Variants in ENAM observed in about 807,000 individuals in gnomAD.
ENAM encodes amelogenesis imperfecta 2, hypocalcification (autosomal dominant).
In ENAM, 21 loss-of-function variants were observed where a neutral mutation model predicts 33.6. That is an observed-to-expected ratio of 0.63 (90% CI 0.44 to 0.90). The LOEUF is 0.90. Among genes scored for constraint, ENAM ranks in the 40% least tolerant of loss-of-function variants. The pLI is 0.00. For synonymous variants in ENAM, 473 were observed against 468.4 expected (o/e 1.01, Z -0.13); for missense variants, 1,388 against 1,366.9 (o/e 1.02, Z -0.24).
At position 70,645,381 on chromosome 4, in the gene ENAM, T is replaced by C. The variant is rs1738735007; in HGVS notation, c.*526T>C. 6.3e-6 allele frequency: 1 copy of C among 158,564 alleles called. No homozygotes were observed. Among genetic ancestry groups the C allele is most frequent in the Admixed American group, 6.2e-5 (1 of 16,182 alleles). 9.8% of individuals were successfully genotyped at this position (158,564 alleles called of 1,614,324 possible). On this transcript the variant is annotated 3_prime_UTR_variant, in exon 9 of 9. Coordinates refer to ENST00000396073, the MANE Select transcript of ENAM (RefSeq NM_031889.3). ...CTCTCTTTACCTTTATCATTTCTTT[T>C]TCTTAGCTTTCTTCCTTCTTTTCTC...
At chr4:70,631,785 A>G in intron 3 of ENAM, 47 bp downstream of exon 3, 1 of 1,609,618 alleles carries the variant, frequency 6.2e-7, no homozygotes, top group Non-Finnish European at 8.5e-7. Flanking sequence ...TTCCGTTAGG[A>G]ACAATTGTTG....
intron 8 of ENAM, among the ~76,000 whole-genome samples, chr4:70,638,778 T>TTTTC (rs1035336708): frequency 1.8e-4 from 27 of 151,482 alleles, no homozygotes; most frequent in Admixed American, 1.3e-3. Context: ...CTTATCTTTC[T>TTTTC]TTTCTTTCTT....
intron 7 of ENAM, among the ~76,000 whole-genome samples, chr4:70,636,931 G>A (rs897047727): frequency 1.3e-5 from 2 of 152,134 alleles, no homozygotes; most frequent in Admixed American, 6.5e-5. Flanking sequence ...AATGTTAAAG[G>A]CCAGTTGCTG....
Position 70,643,874 on chromosome 4 carries a change from G to T in ENAM, c.2448G>T (p.Gly816=). The change falls in exon 9 of 9, where the codon GGG becomes GGT. Residue 816 remains glycine (G), a synonymous_variant. Transcript: ENST00000396073. ...CCTATTACAGTAACACCCCAGCTGG[G>T]CTTCAGAAAAATCCAATATGGCATG... ...NQPYYSNTPA[G]LQKNPIWHEG... 6.2e-7 allele frequency: 1 copy of T among 1,614,172 alleles called. No homozygotes were observed.
rs1738350680 is a variant in ENAM, at chr4:70,632,524, A to G, written c.169-127A>G. 5 of 783,756 alleles carry G rather than the reference A, an allele frequency of 6.4e-6. No homozygotes were observed. In the South Asian group the frequency reaches 6.9e-5, roughly 11 times the overall value. The allele number at this position is 783,756 out of a possible 1,614,324, so 48.6% of individuals were successfully genotyped here. On this transcript the variant is annotated intron_variant, in intron 4 of 8. Transcript: ENST00000396073. The stretch of plus-strand genomic sequence containing the variant: ...GGTGATATGACTGTTGTGCATTAAA[A>G]TCAGAAATTTTTACACTGGGAAGTT...
intron 5 of ENAM, among the ~76,000 whole-genome samples, chr4:70,633,610 T>C (rs1434693888): frequency 6.6e-6 from 1 of 152,202 alleles, no homozygotes; most frequent in Non-Finnish European, 1.5e-5. Context: ...GGAGGAAATA[T>C]TTGAATGAGA....
At position 70,644,256 on chromosome 4, in the gene ENAM, C is replaced by G. The variant is rs1022432813; in HGVS notation, c.2830C>G (p.Pro944Ala). The G allele has an allele frequency of 1.9e-6, 3 of 1,614,154 alleles. No homozygotes were observed. Among genetic ancestry groups the G allele is most frequent in the African/African-American group, 2.7e-5 (2 of 75,038 alleles). ...NSSEKRESQN[P>A]FRDDVSTLRR... is the part of the protein sequence containing the mutation. ...CTCAGAGAAGAGGGAAAGCCAAAAC[C>G]CTTTTAGAGATGATGTGTCCACGCT... The change falls in exon 9 of 9, where the codon CCT becomes GCT. Residue 944 changes from proline to alanine, a missense_variant. By Grantham distance (27) the Pro-to-Ala change is conservative. Transcript: ENST00000396073.
chr4:70,642,037 G>T lies in ENAM; in HGVS notation c.611G>T (p.Gly204Val). The change falls in exon 9 of 9, where the codon GGA (glycine) becomes GTA (valine). Residue 204 changes from glycine to valine, a missense_variant. Transcript: ENST00000396073. Reference sequence around the variant, plus strand: ...CAGAATCCTTACTTTGGATATTTTGGATATCATGGCTTTGGGGGTCGCCCT... The same window carrying T: ...CAGAATCCTTACTTTGGATATTTTGTATATCATGGCTTTGGGGGTCGCCCT... ...EGGNPYFGYF[G>V]YHGFGGRPPY... 1 of 1,613,434 alleles carries T rather than the reference G, an allele frequency of 6.2e-7. No individual in the cohort carries two copies. The highest frequency in any genetic ancestry group is 8.5e-7 in the Non-Finnish European group (1 of 1,179,422).
Position 70,644,925 on chromosome 4 carries a change from T to C in ENAM, c.*70T>C. The C allele has an allele frequency of 7.3e-7, 1 of 1,377,290 alleles. No individual in the cohort carries two copies. The highest frequency in any genetic ancestry group is 1.2e-5 in the South Asian group (1 of 84,412). The allele number at this position is 1,377,290 out of a possible 1,614,324, so 85.3% of individuals were successfully genotyped here. On this transcript the variant is annotated 3_prime_UTR_variant, in exon 9 of 9. Coordinates refer to ENST00000396073, the MANE Select transcript of ENAM (RefSeq NM_031889.3). Reference sequence around the variant, plus strand: ...ATTCTATACCAATGGTTCCCAAAATTTTTTCCCCAAGACTTAATTAAGTGT... The same window carrying C: ...ATTCTATACCAATGGTTCCCAAAATCTTTTCCCCAAGACTTAATTAAGTGT...
At chr4:70,638,812 A>T in intron 8 of ENAM, among the ~76,000 whole-genome samples, 1 of 146,862 alleles carries the variant, frequency 6.8e-6, no homozygotes. Context: ...TTTTTTTGTA[A>T]GACAGAGTCT....
intron 2 of ENAM, among the ~76,000 whole-genome samples, chr4:70,629,954 T>G (rs769549764): frequency 6.6e-6 from 1 of 152,088 alleles, no homozygotes; most frequent in Non-Finnish European, 1.5e-5. Context: ...AAATTAACCA[T>G]CCAAAAGCAC....
rs1423376590 is a variant in ENAM at position 70,642,284 on chromosome 4, A to G, written c.858A>G (p.Gln286=). Residue 286 remains glutamine, a synonymous_variant, in exon 9 of 9, where the codon CAA becomes CAG. Coordinates refer to ENST00000396073, the MANE Select transcript of ENAM (RefSeq NM_031889.3). ...GLNTGNNPPA[Q]NGIGPLPAVN... ...ACACTGGGAACAACCCTCCAGCTCA[A>G]AATGGGATTGGCCCACTCCCTGCAG... 1.9e-6 allele frequency: 3 copies of G among 1,614,088 alleles called. No homozygotes were observed. Among genetic ancestry groups the G allele is most frequent in the South Asian group, 2.2e-5 (2 of 91,082 alleles).
chr4:70,644,306 A>T lies in ENAM; in HGVS notation c.2880A>T (p.Ile960=). The T allele has an allele frequency of 6.2e-7, 1 of 1,614,238 alleles. No individual in the cohort carries two copies. Among genetic ancestry groups the T allele is most frequent in the Non-Finnish European group, 8.5e-7 (1 of 1,180,028 alleles). Residue 960 remains isoleucine, a synonymous_variant, in exon 9 of 9, where the codon ATA becomes ATT. Coordinates refer to ENST00000396073, the MANE Select transcript of ENAM (RefSeq NM_031889.3). ...TGAGGAGGAACACACCATGTTCTAT[A>T]AAGAATCAACTGGGCCAAAAGGAAA... ...STLRRNTPCS[I]KNQLGQKEIM...
At chr4:70,630,336 T>C (rs1028474428) in intron 2 of ENAM, among the ~76,000 whole-genome samples, 1 of 152,174 alleles carries the variant, frequency 6.6e-6, no homozygotes, top group Admixed American at 6.5e-5. Flanking sequence ...AGATTTTATG[T>C]CCAGAAAAGG....
chr4:70,637,955 A>C, intron 8 of ENAM, 112 bp downstream of exon 8: 55 of 838,118 alleles, frequency 6.6e-5, no homozygotes, highest in Non-Finnish European at 1.0e-4. Context: ...CCTGTAGCTC[A>C]AGCTTCCGTG....
intron 8 of ENAM, among the ~76,000 whole-genome samples, chr4:70,640,329 C>A (rs1738566952): frequency 1.3e-5 from 2 of 152,130 alleles, no homozygotes; most frequent in Non-Finnish European, 2.9e-5. Flanking sequence ...CCATGGAAGT[C>A]AAGACACAGA....
In ENAM at chr4:70,642,224, C is replaced by A. The variant is rs751131471; in HGVS notation, c.798C>A (p.Asp266Glu). 1 of 1,614,088 alleles carries A rather than the reference C, an allele frequency of 6.2e-7. No individual in the cohort carries two copies. Residue 266 changes from aspartate to glutamate, a missense_variant, in exon 9 of 9, where the codon GAC (aspartate) becomes GAA (glutamate). Coordinates refer to ENST00000396073, the MANE Select transcript of ENAM (RefSeq NM_031889.3). Reference protein sequence around the residue: ...PNPKGSQGGNDTSPTGNSTPG... With the variant: ...PNPKGSQGGNETSPTGNSTPG... ...CTAAAGGGAGTCAGGGAGGAAATGA[C>A]ACCAGCCCCACAGGAAACAGTACCC...
chr4:70,629,408 A>G (rs1259413511), intron 1 of ENAM, 33 bp from the exon 2 acceptor site: 11 of 926,524 alleles, frequency 1.2e-5, no homozygotes, highest in Non-Finnish European at 2.0e-5. Context: ...TTTGCTATTC[A>G]TTTCATTTAT....
chr4:70,635,731 G>A, intron 6 of ENAM, 101 bp from the exon 7 acceptor site: 1 of 771,962 alleles, frequency 1.3e-6, no homozygotes, highest in East Asian at 2.5e-5. Context: ...TGCAAAGGGA[G>A]ATGTAGACTC....
Sources: allele counts gnomAD v4.1 joint callset (sites outside exome capture counted in the v4.1 genomes callset), GRCh38; gene constraint gnomAD v4.1.1; transcripts MANE v1.5; gene names NCBI Gene and HGNC (gene_info 2026-07-23, HGNC 2026-07-21).